Variants in ATXN7 observed in about 807,000 individuals in gnomAD.
The protein encoded by ATXN7 is ataxin 7.
ATXN7 carries 12 observed loss-of-function variants against 70.5 expected under a neutral mutation model. That is an observed-to-expected ratio of 0.17 (90% CI 0.11 to 0.28). The LOEUF is 0.28. ATXN7 is among the 10% of genes least tolerant of loss of function. The probability of loss-of-function intolerance (pLI) is 1.00; values close to 1 mark genes in which losing one functional copy is unlikely to be tolerated. For synonymous variants in ATXN7, 498 were observed against 448.7 expected (o/e 1.11, Z -1.39); for missense variants, 1,256 against 1,131.7 (o/e 1.11, Z -1.58).
chr3:63,928,888 T>A (rs72880339), intron 4 of ATXN7, among the ~76,000 whole-genome samples: 2,804 of 152,262 alleles, frequency 0.018, 97 homozygotes, highest in African/African-American at 0.061. Flanking sequence ...TGGTTAATGT[T>A]TTAGATAATA....
At chr3:63,894,400 T>G (rs1251578093) in intron 1 of ATXN7, among the ~76,000 whole-genome samples, 1 of 152,202 alleles carries the variant, frequency 6.6e-6, no homozygotes, top group East Asian at 1.9e-4. Context: ...TGTGGACTTT[T>G]CCATTTGCAG....
chr3:63,976,540 G>A (rs779272266), intron 5 of ATXN7, among the ~76,000 whole-genome samples: 7 of 152,098 alleles, frequency 4.6e-5, no homozygotes, highest in Admixed American at 2.6e-4. Context: ...GGATATTATC[G>A]ATACATCAGC....
At chr3:63,932,844 G>T (rs1005268397) in intron 4 of ATXN7, among the ~76,000 whole-genome samples, 3 of 152,094 alleles carry the variant, frequency 2.0e-5, no homozygotes, top group African/African-American at 4.8e-5. Context: ...CTTGCTTTTT[G>T]TGTTCAGCCA....
intron 5 of ATXN7, among the ~76,000 whole-genome samples, chr3:63,956,441 AAAAAAG>A (rs2075040172): frequency 6.6e-6 from 1 of 151,488 alleles, no homozygotes; most frequent in Non-Finnish European, 1.5e-5. Context: ...AAAAAAAAAA[AAAAAAG>A]AGTAAGGTGT....
chr3:63,983,081 A>G (rs893939281), intron 8 of ATXN7, 60 bp downstream of exon 8: 8 of 1,275,328 alleles, frequency 6.3e-6, no homozygotes, highest in Non-Finnish European at 9.2e-6. Flanking sequence ...ACTGGGATGT[A>G]CCACACTACT....
intron 6 of ATXN7, among the ~76,000 whole-genome samples, chr3:63,981,722 C>T (rs542598910): frequency 5.3e-5 from 8 of 152,326 alleles, no homozygotes; most frequent in African/African-American, 1.4e-4. Flanking sequence ...TTTGAGTTCT[C>T]ATAAGTCTTT....
Position 63,981,831 on chromosome 3 carries a change from G to T in ATXN7, c.753-355G>T, listed in dbSNP as rs1422035969. ...AGTCCTCAAAAGATATTCTCCAAGG[G>T]TTCTGCAAATAGTCTTTGTTTCTTT... is the stretch of plus-strand genomic sequence containing the variant. On this transcript the variant is annotated intron_variant, in intron 6 of 12. Coordinates refer to ENST00000674280, the MANE Select transcript of ATXN7 (RefSeq NM_001377405.1). Among the ~76,000 whole-genome samples the T allele has an allele frequency of 2.0e-5, 3 of 152,186 alleles. 1 individual carries two copies. Among genetic ancestry groups the T allele is most frequent in the Middle Eastern group, 6.3e-3 (2 of 316 alleles).
At chr3:63,996,545 C>A (rs1478164258) in intron 12 of ATXN7, 62 bp downstream of exon 12, 3 of 1,500,832 alleles carry the variant, frequency 2.0e-6, no homozygotes, top group South Asian at 2.4e-5. Flanking sequence ...GATCTTTTGT[C>A]AGCTCAGAAA....
intron 5 of ATXN7, among the ~76,000 whole-genome samples, chr3:63,954,700 T>TG (rs1289531949): frequency 2.8e-5 from 3 of 107,150 alleles, no homozygotes; most frequent in East Asian, 5.5e-4. Flanking sequence ...GGAAAAAGTG[T>TG]TTTTTTTTTT....
In ATXN7 at chr3:63,968,036, G is replaced by T. The variant is rs187292989; in HGVS notation, c.500-11879G>T. 6 of 1,354,258 alleles carry T rather than the reference G, an allele frequency of 4.4e-6. No individual in the cohort carries two copies. In the African/African-American group the frequency reaches 8.7e-5, roughly 20 times the overall value. 83.9% of individuals were successfully genotyped at this position (1,354,258 alleles called of 1,614,324 possible). On this transcript the variant is annotated intron_variant, in intron 5 of 12. Coordinates refer to ENST00000674280, the MANE Select transcript of ATXN7 (RefSeq NM_001377405.1). The stretch of plus-strand genomic sequence containing the variant: ...TGGCTCAGGGCCCAGCTCTGGATGA[G>T]CCTGTGGACGGTGGGGTAGGTCTTT...
chr3:63,920,463 G>A (rs1175591829), intron 4 of ATXN7, among the ~76,000 whole-genome samples: 1 of 152,152 alleles, frequency 6.6e-6, no homozygotes, highest in African/African-American at 2.4e-5. Flanking sequence ...CAGCTCACAT[G>A]CTTAACCATT....
At chr3:63,952,559 G>A (rs781627319) in intron 5 of ATXN7, 76 bp downstream of exon 5, 27 of 977,048 alleles carry the variant, frequency 2.8e-5, no homozygotes, top group South Asian at 3.8e-5. Context: ...GAACAGTGAT[G>A]GCATGCATGG....
intron 4 of ATXN7, among the ~76,000 whole-genome samples, chr3:63,927,826 C>T (rs1381589030): frequency 6.6e-6 from 1 of 152,110 alleles, no homozygotes; most frequent in Non-Finnish European, 1.5e-5. Flanking sequence ...ATTTTAAATG[C>T]TACACTTTCT....
At chr3:63,936,682 ATG>A (rs1308390481) in intron 4 of ATXN7, among the ~76,000 whole-genome samples, 1 of 152,148 alleles carries the variant, frequency 6.6e-6, no homozygotes, top group Non-Finnish European at 1.5e-5. Context: ...TTTCTCACAT[ATG>A]GTTTTGTGTA....
chr3:63,928,312 A>G (rs909855940), intron 4 of ATXN7, among the ~76,000 whole-genome samples: 1 of 151,904 alleles, frequency 6.6e-6, no homozygotes, highest in Non-Finnish European at 1.5e-5. Flanking sequence ...AAAACAAACA[A>G]AAAAACAGCT....
intron 5 of ATXN7, among the ~76,000 whole-genome samples, chr3:63,962,023 C>T (rs2075140929): frequency 6.6e-6 from 1 of 152,124 alleles, no homozygotes; most frequent in Non-Finnish European, 1.5e-5. Flanking sequence ...GAGTTTTTAT[C>T]ACTTCTTAAT....
chr3:63,927,361 T>C (rs1256904363), intron 4 of ATXN7, among the ~76,000 whole-genome samples: 1 of 152,202 alleles, frequency 6.6e-6, no homozygotes, highest in Non-Finnish European at 1.5e-5. Flanking sequence ...GGGGTATAAA[T>C]GCCAGGTAGA....
chr3:63,976,441 T>C (rs1446128630), intron 5 of ATXN7, among the ~76,000 whole-genome samples: 1 of 152,208 alleles, frequency 6.6e-6, no homozygotes, highest in East Asian at 1.9e-4. Context: ...GTTTCAAGTT[T>C]TAATGAATGA....
intron 5 of ATXN7, among the ~76,000 whole-genome samples, chr3:63,978,531 C>A (rs2106748066): frequency 6.6e-6 from 1 of 152,316 alleles, no homozygotes; most frequent in East Asian, 1.9e-4. Context: ...AAAACATCTT[C>A]AGATGCCAAA....
Sources: allele counts gnomAD v4.1 joint callset (sites outside exome capture counted in the v4.1 genomes callset), GRCh38; gene constraint gnomAD v4.1.1; transcripts MANE v1.5; gene names NCBI Gene and HGNC (gene_info 2026-07-23, HGNC 2026-07-21).